The following TNRC6B variants were observed in gnomAD, a reference collection of about 807,000 sequenced individuals.
TNRC6B encodes the protein trinucleotide repeat-containing gene 6B protein.
TNRC6B carries 52 observed loss-of-function variants against 203.6 expected under a neutral mutation model. That is an observed-to-expected ratio of 0.26 (90% CI 0.20 to 0.32). The LOEUF is 0.32. Ranked by LOEUF, TNRC6B falls within the 10% of genes least tolerant of loss-of-function variation. TNRC6B has a pLI of 1.00. For missense variants in TNRC6B, 1,923 were observed against 2,286.2 expected (o/e 0.84, Z 3.24); for synonymous variants, 838 against 845.7 (o/e 0.99, Z 0.16).
At position 40,335,320 on chromosome 22, in the gene TNRC6B, A is replaced by G. The variant is rs1177259189; in HGVS notation, c.*12079A>G. Reference sequence around the variant, plus strand: ...GGCTGGGCCCCCTTTTCTATATTTTATTTTCCTTTTTAGTATAGTGGTACT... The same window carrying G: ...GGCTGGGCCCCCTTTTCTATATTTTGTTTTCCTTTTTAGTATAGTGGTACT... On this transcript the variant is annotated 3_prime_UTR_variant, in exon 23 of 23. Coordinates refer to ENST00000454349, the MANE Select transcript of TNRC6B (RefSeq NM_001162501.2). 6.6e-6 allele frequency: 1 copy of G among 150,744 alleles called. No homozygotes were observed. 9.3% of individuals were successfully genotyped at this position (150,744 alleles called of 1,614,324 possible). A position where few individuals can be genotyped will look rare whatever the true frequency, so the allele number is the denominator to read the frequency against.
chr22:40,291,483 A>AT (rs1294041909), intron 12 of TNRC6B, among the ~76,000 whole-genome samples: 1 of 152,200 alleles, frequency 6.6e-6, no homozygotes, highest in Non-Finnish European at 1.5e-5. Context: ...GACAGGAATT[A>AT]TTTTTACTAA....
At chr22:40,189,770 A>G (rs1320673487) in intron 1 of TNRC6B, among the ~76,000 whole-genome samples, 1 of 152,182 alleles carries the variant, frequency 6.6e-6, no homozygotes, top group Non-Finnish European at 1.5e-5. Flanking sequence ...AAACACTTTA[A>G]TATGTTGGTT....
intron 21 of TNRC6B, among the ~76,000 whole-genome samples, chr22:40,317,213 C>T (rs1010873610): frequency 6.6e-6 from 1 of 152,166 alleles, no homozygotes; most frequent in Non-Finnish European, 1.5e-5. Context: ...ACATATTAAC[C>T]ATTTTTGTGC....
Position 40,315,439 on chromosome 22 carries a change from C to G in TNRC6B, c.4835C>G (p.Ser1612Cys). The G allele has an allele frequency of 6.2e-7, 1 of 1,614,018 alleles. No individual in the cohort carries two copies. The highest frequency in any genetic ancestry group is 8.5e-7 in the Non-Finnish European group (1 of 1,179,900). Residue 1612 changes from serine (S) to cysteine (C), a missense_variant, in exon 20 of 23, where the codon TCT becomes TGT. Transcript: ENST00000454349. ...PPGLTNPKPS[S>C]PWSSTAPRSV... ...GGTCTGACCAACCCCAAACCATCAT[C>G]TCCCTGGAGCAGCACAGCACCCCGA...
intron 1 of TNRC6B, among the ~76,000 whole-genome samples, chr22:40,216,007 T>G (rs2069629841): frequency 6.6e-6 from 1 of 152,242 alleles, no homozygotes; most frequent in African/African-American, 2.4e-5. Context: ...TGCAGGGACG[T>G]GAGTGGTCTG....
At position 40,321,307 on chromosome 22, in the gene TNRC6B, T is replaced by C. The variant is rs2146579387; in HGVS notation, c.5114+78T>C. The C allele has an allele frequency of 2.6e-6, 4 of 1,509,870 alleles. No individual in the cohort carries two copies. The South Asian group carries it at 3.5e-5, about 13-fold the overall frequency. 93.5% of individuals were successfully genotyped at this position (1,509,870 alleles called of 1,614,324 possible). A position where few individuals can be genotyped will look rare whatever the true frequency, so the allele number is the denominator to read the frequency against. On this transcript the variant is annotated intron_variant, in intron 22 of 22. Transcript: ENST00000454349. Reference sequence around the variant, plus strand: ...GTGAGTATTCTGGCAGCTGCTGAATTAAAGATGCACCAGAACATATACGAA... The same window carrying C: ...GTGAGTATTCTGGCAGCTGCTGAATCAAAGATGCACCAGAACATATACGAA...
At chr22:40,124,829 A>G (rs1417843834) in intron 2 of TNRC6B, among the ~76,000 whole-genome samples, 2 of 151,966 alleles carry the variant, frequency 1.3e-5, no homozygotes, top group African/African-American at 2.4e-5. Context: ...TCTATCCAAC[A>G]TAGTGAAACC....
chr22:40,110,086 G>T (rs1270808887), intron 1 of TNRC6B, among the ~76,000 whole-genome samples: 1 of 152,050 alleles, frequency 6.6e-6, no homozygotes, highest in Non-Finnish European at 1.5e-5. Context: ...AAAGAACAAA[G>T]GTTTTTCTTT....
At chr22:40,093,905 C>T (rs993825091) in intron 1 of TNRC6B, among the ~76,000 whole-genome samples, 1 of 151,602 alleles carries the variant, frequency 6.6e-6, no homozygotes, top group East Asian at 1.9e-4. Context: ...AATAGGATGC[C>T]TATAGATAAC....
intron 1 of TNRC6B, among the ~76,000 whole-genome samples, chr22:40,222,726 CTCTTTTTTTTTTTT>C (rs1569027053): frequency 2.5e-5 from 2 of 79,072 alleles, no homozygotes; most frequent in African/African-American, 9.2e-5. Context: ...CTCTCTCTCT[CTCTTTTTTTTTTTT>C]TTTTTTTTTT....
intron 4 of TNRC6B, among the ~76,000 whole-genome samples, chr22:40,169,192 C>G (rs1407719678): frequency 6.9e-6 from 1 of 143,900 alleles, no homozygotes; most frequent in Non-Finnish European, 1.5e-5. Context: ...AGTGCAGTGG[C>G]ATGATCTCGG....
chr22:40,285,964 C>CT, intron 12 of TNRC6B, among the ~76,000 whole-genome samples, 194 bp downstream of exon 12: 1 of 152,246 alleles, frequency 6.6e-6, no homozygotes, highest in South Asian at 2.1e-4. Context: ...AAGATGAAGA[C>CT]TTTTAGAACA....
Position 40,264,874 on chromosome 22 carries a change from C to A in TNRC6B, c.644C>A (p.Thr215Asn), listed in dbSNP as rs753828382. Residue 215 changes from threonine to asparagine, a missense_variant, in exon 5 of 23, where the codon ACC becomes AAC. This residue lies in a region of TNRC6B where 614 missense variants were observed against 587.7 expected (regional missense o/e 1.04). Coordinates refer to ENST00000454349, the MANE Select transcript of TNRC6B (RefSeq NM_001162501.2). ...GACACTGAATCTTCTTCCGAAAACA[C>A]CACCGATAACAACAGTGCCTCGAAC... is the stretch of plus-strand genomic sequence containing the variant. ...SKDTESSSENTTDNNSASNPG... is the reference protein window; with the variant it reads ...SKDTESSSENNTDNNSASNPG... The A allele has an allele frequency of 6.8e-6, 11 of 1,613,960 alleles. No individual in the cohort carries two copies. Among genetic ancestry groups the A allele is most frequent in the Non-Finnish European group, 8.5e-6 (10 of 1,179,888 alleles).
rs9607691 is a variant in TNRC6B at position 40,170,742 on chromosome 22, T to C, written c.113+14560T>C. 1.2e-3 allele frequency among the ~76,000 whole-genome samples: 159 copies of C among 131,846 alleles called. 1 individual carries two copies. The highest frequency in any genetic ancestry group is 1.6e-3 in the Non-Finnish European group (97 of 61,984). 86.5% of individuals were successfully genotyped at this position (131,846 alleles called of 152,430 possible). A position where few individuals can be genotyped will look rare whatever the true frequency, so the allele number is the denominator to read the frequency against. On this transcript the variant is annotated intron_variant, in intron 4 of 23. Coordinates refer to the TNRC6B transcript ENST00000301923. ...ACATACATATATAGGTGTATATATC[T>C]ATATATGTACATATATGTGTGTATA...
At chr22:40,112,077 G>T (rs1217455703) in intron 1 of TNRC6B, among the ~76,000 whole-genome samples, 1 of 152,154 alleles carries the variant, frequency 6.6e-6, no homozygotes, top group East Asian at 1.9e-4. Flanking sequence ...TCCAGCCTGG[G>T]CAACAGAGTG....
At chr22:40,238,135 C>T (rs993809041) in intron 1 of TNRC6B, among the ~76,000 whole-genome samples, 4 of 152,112 alleles carry the variant, frequency 2.6e-5, no homozygotes, top group Admixed American at 1.3e-4. Flanking sequence ...TACTGTGTTT[C>T]TGGTGTTTGT....
intron 3 of TNRC6B, among the ~76,000 whole-genome samples, chr22:40,135,555 C>G (rs2068592717): frequency 6.6e-6 from 1 of 152,102 alleles, no homozygotes; most frequent in African/African-American, 2.4e-5. Context: ...AGCTGTAGAG[C>G]AGTGATGTGA....
chr22:40,310,704 T>G, intron 16 of TNRC6B, 113 bp from the exon 17 acceptor site: 1 of 1,077,940 alleles, frequency 9.3e-7, no homozygotes, highest in Non-Finnish European at 1.3e-6. Context: ...CCAGTGCTGT[T>G]TGTATATACT....
At chr22:40,135,129 C>T (rs554211484) in intron 3 of TNRC6B, among the ~76,000 whole-genome samples, 12 of 152,322 alleles carry the variant, frequency 7.9e-5, no homozygotes, top group South Asian at 4.1e-4. Flanking sequence ...GGGTTTCTCA[C>T]AGCATGGTGG....
Sources: gnomAD v4.1 joint callset for allele counts (sites outside exome capture counted in the v4.1 genomes callset) on GRCh38, gnomAD v4.1.1 for gene constraint, gnomAD v4.1.1 regional missense constraint, MANE v1.5 for transcripts, NCBI Gene and HGNC (gene_info 2026-07-23, HGNC 2026-07-21) for gene names.